The following SLC3A2 variants were observed in gnomAD, a reference collection of about 807,000 sequenced individuals.
SLC3A2 encodes the protein solute carrier family 3 member 2.
SLC3A2 carries 32 observed loss-of-function variants against 48.5 expected under a neutral mutation model. That is an observed-to-expected ratio of 0.66 (90% confidence interval 0.50 to 0.89). SLC3A2 has a LOEUF of 0.89. Ranked by LOEUF, SLC3A2 falls within the 40% of genes least tolerant of loss-of-function variation. The probability of loss-of-function intolerance (pLI) is 0.00; values close to 1 mark genes in which losing one functional copy is unlikely to be tolerated. For synonymous variants in SLC3A2, 277 were observed against 288.8 expected, an observed-to-expected ratio of 0.96 and a Z score of 0.41; for missense variants, 587 against 680.7, an observed-to-expected ratio of 0.86 and a Z score of 1.53.
intron 1 of SLC3A2, among the ~76,000 whole-genome samples, chr11:62,867,243 C>T (rs376197897): frequency 7.9e-5 from 12 of 151,944 alleles, no homozygotes; most frequent in East Asian, 5.8e-4. Flanking sequence ...GCGCCCACCT[C>T]GGCCTCCCAA....
intron 6 of SLC3A2, 44 bp from the exon 7 acceptor site, chr11:62,885,421 G>T (rs1331478704): frequency 6.2e-7 from 1 of 1,613,940 alleles, no homozygotes; most frequent in Non-Finnish European, 8.5e-7. Context: ...GGAGACAGAG[G>T]CAGAGGTGGG....
At position 62,881,699 on chromosome 11, in the gene SLC3A2, A is replaced by G. The variant is rs576729985; in HGVS notation, c.425-194A>G. On this transcript the variant is annotated intron_variant, in intron 1 of 8. Transcript: ENST00000338663. This position sits in a 1 kb window ranked among gnomAD's most constrained non-coding sequence, Gnocchi z 4.0. The stretch of plus-strand genomic sequence containing the variant: ...CTCCTTCCCCGCGGCGCCAGAAGCC[A>G]GTTGCAACCGGTTTCTGAAGTAATG... The G allele has an allele frequency of 9.1e-5, 71 of 783,214 alleles. No individual in the cohort carries two copies. In the South Asian group the frequency reaches 1.3e-3, roughly 14 times the overall value. The allele number at this position is 783,214 out of a possible 1,614,324, so 48.5% of individuals were successfully genotyped here. A position where few individuals can be genotyped will look rare whatever the true frequency, so the allele number is the denominator to read the frequency against.
At chr11:62,886,317 A>G (rs542587423) in intron 7 of SLC3A2, 1 of 152,112 alleles carries the variant, frequency 6.6e-6, no homozygotes, top group Admixed American at 6.5e-5. Flanking sequence ...AAAAGAAAGA[A>G]AGAAATACAT....
intron 1 of SLC3A2, among the ~76,000 whole-genome samples, chr11:62,865,678 C>T (rs1460849060): frequency 6.7e-6 from 1 of 150,094 alleles, no homozygotes; most frequent in Non-Finnish European, 1.5e-5. Flanking sequence ...TTGCCTTTTT[C>T]TGTTTGTAGA....
At chr11:62,872,873 A>T (rs1455318929) in intron 1 of SLC3A2, among the ~76,000 whole-genome samples, 1 of 152,196 alleles carries the variant, frequency 6.6e-6, no homozygotes, top group Non-Finnish European at 1.5e-5. Context: ...AAGTGTTGGG[A>T]TTACAGGCGT....
Position 62,881,116 on chromosome 11 carries a change from C to T in SLC3A2, c.93C>T (p.Ala31=). ...CGATGAACGCGGCGTCTGGGGCGGC[C>T]ATGTCCCTGGCGGGAGCCGAGAAGA... is the stretch of plus-strand genomic sequence containing the variant. ...KQPMNAASGA[A]MSLAGAEKNG... is the part of the protein sequence containing the mutation. Residue 31 remains alanine, a synonymous_variant, in exon 1 of 9, where the codon GCC becomes GCT. Transcript: ENST00000338663. This position sits in a 1 kb window ranked among gnomAD's most constrained non-coding sequence, Gnocchi z 4.0. 1.9e-6 allele frequency: 3 copies of T among 1,608,484 alleles called. No individual in the cohort carries two copies. Among genetic ancestry groups the T allele is most frequent in the African/African-American group, 2.7e-5 (2 of 75,056 alleles).
At chr11:62,882,710 G>T (rs894647713) in intron 2 of SLC3A2, 198 bp from the exon 3 acceptor site, 7 of 560,360 alleles carry the variant, frequency 1.2e-5, no homozygotes, top group African/African-American at 3.8e-5. Context: ...TTTTGAACTC[G>T]CCTGGCCTGC....
upstream of SLC3A2, among the ~76,000 whole-genome samples, chr11:62,877,196 G>A (rs1314751927): frequency 1.3e-5 from 2 of 151,592 alleles, no homozygotes; most frequent in Non-Finnish European, 2.9e-5. Context: ...GAGTAGCTGG[G>A]ATTACAGGTG....
At chr11:62,873,680 G>A (rs2085541302) in intron 1 of SLC3A2, among the ~76,000 whole-genome samples, 1 of 152,080 alleles carries the variant, frequency 6.6e-6, no homozygotes, top group Admixed American at 6.6e-5. Context: ...TTGCTACGTG[G>A]CCCTGTCTGG....
At chr11:62,863,257 G>C (rs1007474493) in intron 1 of SLC3A2, among the ~76,000 whole-genome samples, 4 of 152,052 alleles carry the variant, frequency 2.6e-5, no homozygotes, top group Non-Finnish European at 5.9e-5. Context: ...ATCTCACTCT[G>C]TCACCTAGGC....
chr11:62,882,564 A>G (rs923380095), intron 2 of SLC3A2: 3 of 292,880 alleles, frequency 1.0e-5, no homozygotes, highest in African/African-American at 6.6e-5. Flanking sequence ...AGCTTACTGC[A>G]GCCTCCTCCC....
At position 62,881,461 on chromosome 11, in the gene SLC3A2, G is replaced by C. The variant is rs570799637; in HGVS notation, c.424+14G>C. On this transcript the variant is annotated intron_variant, in intron 1 of 8. Coordinates refer to ENST00000338663, the MANE Select transcript of SLC3A2 (RefSeq NM_001013251.3). This position sits in a 1 kb window ranked among gnomAD's most constrained non-coding sequence, Gnocchi z 4.0. Reference sequence around the variant, plus strand: ...GCAACCTGGCGGGTGAGTGCAGCGCGCCCCCGTCCCGGGTACCTCCGGTTG... The same window carrying C: ...GCAACCTGGCGGGTGAGTGCAGCGCCCCCCCGTCCCGGGTACCTCCGGTTG... 2 of 1,563,942 alleles carry C rather than the reference G, an allele frequency of 1.3e-6. No homozygotes were observed. The highest frequency in any genetic ancestry group is 1.8e-5 in the Admixed American group (1 of 56,530).
At chr11:62,866,750 A>G (rs2085456880) in intron 1 of SLC3A2, among the ~76,000 whole-genome samples, 1 of 152,054 alleles carries the variant, frequency 6.6e-6, no homozygotes. Flanking sequence ...CTAACATCTC[A>G]TCAGTTCTGT....
chr11:62,887,031 C>G (rs1407484937), intron 7 of SLC3A2, among the ~76,000 whole-genome samples: 1 of 152,148 alleles, frequency 6.6e-6, no homozygotes, highest in African/African-American at 2.4e-5. Flanking sequence ...AGCCACTGCA[C>G]CCGGCCATCA....
chr11:62,882,477 C>T (rs889783581), intron 2 of SLC3A2: 5 of 216,272 alleles, frequency 2.3e-5, no homozygotes, highest in Non-Finnish European at 4.5e-5. Flanking sequence ...AAACTTTCTG[C>T]CTTCCAATAT....
intron 3 of SLC3A2, 153 bp from the exon 4 acceptor site, chr11:62,884,304 T>C: frequency 1.4e-6 from 1 of 725,882 alleles, no homozygotes; most frequent in Non-Finnish European, 2.4e-6. Flanking sequence ...AGGCTAAGCC[T>C]TTGTAGTGCA....
intron 1 of SLC3A2, among the ~76,000 whole-genome samples, chr11:62,859,911 GAC>G (rs1469400247): frequency 6.6e-6 from 1 of 152,102 alleles, no homozygotes; most frequent in Non-Finnish European, 1.5e-5. Context: ...AAAGAAATAA[GAC>G]ACAGAGACAA....
At chr11:62,869,456 G>C (rs1271357143) in intron 1 of SLC3A2, among the ~76,000 whole-genome samples, 1 of 148,976 alleles carries the variant, frequency 6.7e-6, no homozygotes, top group Non-Finnish European at 1.5e-5. Flanking sequence ...CCCAGGAGGC[G>C]GAGGTTGCAG....
At chr11:62,879,600 G>A (rs1236864356), upstream of SLC3A2, among the ~76,000 whole-genome samples, 1 of 152,114 alleles carries the variant, frequency 6.6e-6, no homozygotes, top group Non-Finnish European at 1.5e-5. Flanking sequence ...GCCTGGGGTT[G>A]CAGAGGGGAC....
Sources: gnomAD v4.1 joint callset for allele counts (sites outside exome capture counted in the v4.1 genomes callset) on GRCh38, gnomAD v4.1.1 for gene constraint, Gnocchi (gnomAD v3.1) non-coding constraint, MANE v1.5 for transcripts, NCBI Gene and HGNC (gene_info 2026-07-23, HGNC 2026-07-21) for gene names.